ARHGEF1: variants seen among roughly 807,000 people sequenced by gnomAD.
The protein encoded by ARHGEF1 is Rho guanine nucleotide exchange factor 1, also known as 115 kDa guanine nucleotide exchange factor.
Under a neutral mutation model 119.7 loss-of-function variants are expected in ARHGEF1, and 40 were observed. The observed-to-expected ratio is 0.33, with a 90% CI of 0.26 to 0.44. ARHGEF1 has a LOEUF of 0.44. Ranked by LOEUF, ARHGEF1 falls within the 20% of genes least tolerant of loss-of-function variation. The pLI is 1.00. For missense variants in ARHGEF1, 976 were observed against 1,268.3 expected (o/e 0.77, Z 3.50); for synonymous variants, 494 against 521.0 (o/e 0.95, Z 0.71).
rs937373027 is a variant in ARHGEF1 at position 41,906,371 on chromosome 19, C to T, written c.2492-86C>T. 4 of 1,386,262 alleles carry T rather than the reference C, an allele frequency of 2.9e-6. No homozygotes were observed. Among genetic ancestry groups the T allele is most frequent in the South Asian group, 1.5e-5 (1 of 68,608 alleles). 85.9% of individuals were successfully genotyped at this position (1,386,262 alleles called of 1,614,324 possible). ...TGGCACCCACCTTCACCTCCAGCCCCTACACATCCCCTTTGGAATCCCCCA... is the reference window on the plus strand; with the variant it reads ...TGGCACCCACCTTCACCTCCAGCCCTTACACATCCCCTTTGGAATCCCCCA... On this transcript the variant is annotated intron_variant, in intron 26 of 28. Transcript: ENST00000354532. This position sits in a 1 kb window ranked among gnomAD's most constrained non-coding sequence, Gnocchi z 4.5.
chr19:41,888,539 C>G lies in ARHGEF1; in HGVS notation c.112-213C>G, dbSNP rs2074329343. 6.6e-6 allele frequency among the ~76,000 whole-genome samples: 1 copy of G among 152,170 alleles called. No individual in the cohort carries two copies. Among genetic ancestry groups the G allele is most frequent in the Non-Finnish European group, 1.5e-5 (1 of 68,036 alleles). The stretch of plus-strand genomic sequence containing the variant: ...AATTTCTTCTCTCCTAATTTCTGTC[C>G]TCATCATCCACCATTATAATATTAA... On this transcript the variant is annotated intron_variant, in intron 3 of 28. Coordinates refer to ENST00000354532, the MANE Select transcript of ARHGEF1 (RefSeq NM_004706.4). This position sits in a 1 kb window ranked among gnomAD's most constrained non-coding sequence, Gnocchi z 5.1.
In ARHGEF1 at chr19:41,902,146, G is replaced by A; in HGVS notation, c.1414+113G>A. 1 of 1,557,968 alleles carries A rather than the reference G, an allele frequency of 6.4e-7. No homozygotes were observed. Among genetic ancestry groups the A allele is most frequent in the Non-Finnish European group, 8.8e-7 (1 of 1,142,358 alleles). On this transcript the variant is annotated intron_variant, in intron 15 of 28. Coordinates refer to ENST00000354532, the MANE Select transcript of ARHGEF1 (RefSeq NM_004706.4). This position sits in a 1 kb window ranked among gnomAD's most constrained non-coding sequence, Gnocchi z 6.5. ...CCAGGGTTCACATGGGGTGGGGGCA[G>A]ATACGCCATCCGGTCCCGAGGATCA...
chr19:41,884,321 G>A (rs1555844847), intron 1 of ARHGEF1: 2 of 1,220,540 alleles, frequency 1.6e-6, no homozygotes, highest in African/African-American at 1.5e-5. Flanking sequence ...CGTCGGGGCC[G>A]GAGCCCGGCA....
rs569294658 is a variant in ARHGEF1 at position 41,889,404 on chromosome 19, C to G, written c.225+539C>G. The G allele has an allele frequency of 6.5e-6, 1 of 152,692 alleles. No individual in the cohort carries two copies. The highest frequency in any genetic ancestry group is 1.9e-4 in the East Asian group (1 of 5,196). The allele number at this position is 152,692 out of a possible 1,614,324, so 9.5% of individuals were successfully genotyped here. ...AAGGCAGACCACACAATTGTGGATC[C>G]AGAAGCCTCCGGATGAGGCAGAAGA... is the stretch of plus-strand genomic sequence containing the variant. On this transcript the variant is annotated intron_variant, in intron 4 of 28. Coordinates refer to ENST00000354532, the MANE Select transcript of ARHGEF1 (RefSeq NM_004706.4). The surrounding 1 kb of genome is among the most constrained non-coding windows in gnomAD (Gnocchi z 4.0).
chr19:41,898,291 G>A, intron 13 of ARHGEF1, 151 bp from the exon 14 acceptor site: 1 of 1,338,414 alleles, frequency 7.5e-7, no homozygotes. Flanking sequence ...GAACTCTAGT[G>A]TGGTCCGATC....
chr19:41,926,946 C>CAG (rs141620832), intron 1 of ARHGEF1, among the ~76,000 whole-genome samples: 24 of 149,812 alleles, frequency 1.6e-4, no homozygotes, highest in Non-Finnish European at 2.7e-4. Context: ...CAGAAAGAGG[C>CAG]AGAGAGAGAG....
rs1369966541 is a variant in ARHGEF1 at position 41,883,498 on chromosome 19, G to A, written c.-20+209G>A. Among the ~76,000 whole-genome samples the A allele has an allele frequency of 6.6e-6, 1 of 152,212 alleles. No individual in the cohort carries two copies. Among genetic ancestry groups the A allele is most frequent in the African/African-American group, 2.4e-5 (1 of 41,452 alleles). ...CTCACACTTGACGAGTGCCCCATAG[G>A]TGGGGACGAACGGTGCGAGGCCGGG... On this transcript the variant is annotated intron_variant, in intron 1 of 28. Coordinates refer to ENST00000354532, the MANE Select transcript of ARHGEF1 (RefSeq NM_004706.4). The surrounding 1 kb of genome is among the most constrained non-coding windows in gnomAD (Gnocchi z 7.6).
rs981891100 is a variant in ARHGEF1, at chr19:41,905,392, T to G, written c.2336+131T>G. The G allele has an allele frequency of 1.1e-4, 87 of 784,402 alleles. No individual in the cohort carries two copies. In the African/African-American group the frequency reaches 1.4e-3, roughly 12 times the overall value. The allele number at this position is 784,402 out of a possible 1,614,324, so 48.6% of individuals were successfully genotyped here. On this transcript the variant is annotated intron_variant, in intron 24 of 28. Coordinates refer to ENST00000354532, the MANE Select transcript of ARHGEF1 (RefSeq NM_004706.4). This position sits in a 1 kb window ranked among gnomAD's most constrained non-coding sequence, Gnocchi z 6.4. The stretch of plus-strand genomic sequence containing the variant: ...GTGTGAATGCATGTGTGTGCATACA[T>G]GTGTGTCTGTACGCAAGTATGTGAC...
At chr19:41,891,312 G>A (rs954612877) in intron 4 of ARHGEF1, among the ~76,000 whole-genome samples, 2 of 152,010 alleles carry the variant, frequency 1.3e-5, no homozygotes, top group Non-Finnish European at 2.9e-5. Context: ...AAACAGTCTC[G>A]CTCTGTGTCA....
intron 1 of ARHGEF1, chr19:41,884,524 A>T: frequency 6.2e-7 from 1 of 1,604,524 alleles, no homozygotes; most frequent in Non-Finnish European, 8.5e-7. Flanking sequence ...CGGGTGTCAG[A>T]CCCTGACTCT....
chr19:41,906,695 C>A lies in ARHGEF1; in HGVS notation c.2656-8C>A, dbSNP rs375845591. 7.4e-4 allele frequency: 1,187 copies of A among 1,606,654 alleles called. 4 individuals carry two copies. The highest frequency in any genetic ancestry group is 9.0e-4 in the Non-Finnish European group (1,059 of 1,176,984). ...GGCCCCCCTCATCCATGACCCCCAC[C>A]CCACCAGGAGTTGGAGGAGGAATTT... On this transcript the variant is annotated splice_region_variant and splice_polypyrimidine_tract_variant and intron_variant, in intron 27 of 28. Transcript: ENST00000354532. This position sits in a 1 kb window ranked among gnomAD's most constrained non-coding sequence, Gnocchi z 4.5.
At chr19:41,908,242 C>T (rs2074729598), downstream of ARHGEF1, 1 of 1,231,644 alleles carries the variant, frequency 8.1e-7, no homozygotes, top group Non-Finnish European at 1.0e-6. The surrounding 1 kb of genome is among the most constrained non-coding windows in gnomAD (Gnocchi z 6.7). Context: ...CTGCCGGTCC[C>T]CCCTTTGCCC....
rs570031608 is a variant in ARHGEF1, at chr19:41,898,134, C to T, written c.1122-308C>T. The T allele has an allele frequency of 1.3e-5, 18 of 1,401,118 alleles. No individual in the cohort carries two copies. In the East Asian group the frequency reaches 4.2e-4, roughly 33 times the overall value. 86.8% of individuals were successfully genotyped at this position (1,401,118 alleles called of 1,614,324 possible). ...GCCACGTATGTCAACCCTCTCCCTT[C>T]CCCCATCCACTAAGGCAGCCTGGAG... On this transcript the variant is annotated intron_variant, in intron 13 of 28. Transcript: ENST00000354532.
At chr19:41,901,739 C>A in intron 14 of ARHGEF1, 148 bp from the exon 15 acceptor site, 3 of 994,934 alleles carry the variant, frequency 3.0e-6, no homozygotes, top group Non-Finnish European at 4.3e-6. Flanking sequence ...AAGTGTGAAC[C>A]ACCATGGCTA....
At chr19:41,923,012 G>A, upstream of ARHGEF1, 1 of 393,696 alleles carries the variant, frequency 2.5e-6, no homozygotes, top group Non-Finnish European at 5.1e-6. Flanking sequence ...GCAGCCTAGG[G>A]AAGAGGCGGG....
chr19:41,929,204 C>T (rs2074890904), intron 2 of ARHGEF1, among the ~76,000 whole-genome samples: 1 of 151,988 alleles, frequency 6.6e-6, no homozygotes, highest in African/African-American at 2.4e-5. Flanking sequence ...AACCCACAGC[C>T]ACTCCCTGAT....
intron 4 of ARHGEF1, chr19:41,890,124 CCTGT>C (rs1233072742): frequency 6.6e-6 from 1 of 152,062 alleles, no homozygotes; most frequent in Non-Finnish European, 1.5e-5. Context: ...TTCCTGTTGG[CCTGT>C]CTTAGAATTT....
intron 13 of ARHGEF1, 114 bp downstream of exon 13, chr19:41,896,596 C>A: frequency 1.2e-6 from 1 of 826,046 alleles, no homozygotes; most frequent in South Asian, 1.4e-5. Flanking sequence ...GCTCCCCATG[C>A]TCCTCTGCTG....
chr19:41,909,398 C>G, downstream of ARHGEF1: 1 of 1,237,620 alleles, frequency 8.1e-7, no homozygotes, highest in Non-Finnish European at 1.0e-6. This position sits in a 1 kb window ranked among gnomAD's most constrained non-coding sequence, Gnocchi z 5.2. Context: ...ACAAGCACGA[C>G]TTTGCTGAAG....
Sources: allele counts gnomAD v4.1 joint callset (sites outside exome capture counted in the v4.1 genomes callset), GRCh38; gene constraint gnomAD v4.1.1; non-coding constraint Gnocchi (gnomAD v3.1); transcripts MANE v1.5; gene names NCBI Gene and HGNC (gene_info 2026-07-23, HGNC 2026-07-21).